CPNE1: variants seen among roughly 807,000 people sequenced by gnomAD.
The protein encoded by CPNE1 is copine-1.
Under a neutral mutation model 63.2 loss-of-function variants are expected in CPNE1, and 58 were observed. The observed-to-expected ratio is 0.92, with a 90% CI of 0.74 to 1.14. The LOEUF is 1.14. CPNE1 is among the 50% of genes most tolerant of loss of function. The pLI is 0.00. For missense variants in CPNE1, 672 were observed against 661.7 expected (o/e 1.02, Z -0.17); for synonymous variants, 237 against 249.0 (o/e 0.95, Z 0.45).
In CPNE1 at chr20:35,632,375, C is replaced by G; in HGVS notation, c.320G>C (p.Ser107Thr). Residue 107 changes from serine (S) to threonine (T), a missense_variant, in exon 4 of 16, where the codon AGC becomes ACC. Coordinates refer to ENST00000397443, the MANE Select transcript of CPNE1 (RefSeq NM_152925.3). ...CATCAAGGGGAGAGTCAGTACCTGG[C>G]TGGACACAATCTGGGGAAAAGCAGG... ...AECSLGQIVS[S>T]QVLTLPLMLK... The G allele has an allele frequency of 6.2e-7, 1 of 1,614,036 alleles. No homozygotes were observed. Among genetic ancestry groups the G allele is most frequent in the East Asian group, 2.2e-5 (1 of 44,878 alleles).
In CPNE1 at chr20:35,632,228, C is replaced by T. The variant is rs370672712; in HGVS notation, c.391G>A (p.Ala131Thr). The T allele has an allele frequency of 3.1e-6, 5 of 1,614,110 alleles. No homozygotes were observed. Among genetic ancestry groups the T allele is most frequent in the Non-Finnish European group, 4.2e-6 (5 of 1,179,988 alleles). Residue 131 changes from alanine (A) to threonine (T), a missense_variant, in exon 5 of 16, where the codon GCT becomes ACT. Coordinates refer to ENST00000397443, the MANE Select transcript of CPNE1 (RefSeq NM_152925.3). ...ACACGATTGTCCTTTAATTCCTGAG[C>T]TGAGACCTAGGTAGGGGAGACTACA... ...PAGRGTITVS[A>T]QELKDNRVVT...
chr20:35,653,143 A>T, intron 1 of CPNE1: 1 of 1,613,648 alleles, frequency 6.2e-7, no homozygotes, highest in South Asian at 1.1e-5. Flanking sequence ...TGATCCACCA[A>T]AATTACCAGG....
Position 35,632,845 on chromosome 20 carries a change from C to A in CPNE1, c.79G>T (p.Asp27Tyr). Residue 27 changes from aspartate to tyrosine, a missense_variant, in exon 2 of 16, where the codon GAC becomes TAC. Asp to Tyr is a radical substitution (Grantham distance 160). Transcript: ENST00000397443. ...TCCTGTAAAAGGACGCAGAGTGGGT[C>A]AGACTTGGAGCCGATGTCCTTGTCA... ...LIDKDIGSKS[D>Y]PLCVLLQDVG... 3.4e-6 allele frequency: 3 copies of A among 872,868 alleles called. No individual in the cohort carries two copies. The highest frequency in any genetic ancestry group is 2.6e-5 in the South Asian group (2 of 76,494). 54.1% of individuals were successfully genotyped at this position (872,868 alleles called of 1,614,324 possible). A position where few individuals can be genotyped will look rare whatever the true frequency, so the allele number is the denominator to read the frequency against.
rs1368843943 is a variant in CPNE1 at position 35,632,346 on chromosome 20, T to C, written c.349A>G (p.Lys117Glu). 2 of 1,614,104 alleles carry C rather than the reference T, an allele frequency of 1.2e-6. No individual in the cohort carries two copies. Reference sequence around the variant, plus strand: ...CCCCGCCCAGCAGGTTTTCCAGGCTTCAGCATCAAGGGGAGAGTCAGTACC... The same window carrying C: ...CCCCGCCCAGCAGGTTTTCCAGGCTCCAGCATCAAGGGGAGAGTCAGTACC... ...SQVLTLPLML[K>E]PGKPAGRGTI... The change falls in exon 4 of 16, where the codon AAG becomes GAG. Residue 117 changes from lysine to glutamate, a missense_variant. Transcript: ENST00000397443.
intron 1 of CPNE1, chr20:35,649,149 T>C (rs77886510): frequency 0.036 from 5,556 of 152,504 alleles, 132 homozygotes; most frequent in Non-Finnish European, 0.061. Flanking sequence ...AATGTGGCAA[T>C]TTTGCAAGGG....
chr20:35,658,351 ACTGC>A (rs1351196096), intron 1 of CPNE1, among the ~76,000 whole-genome samples: 1 of 152,248 alleles, frequency 6.6e-6, no homozygotes, highest in Non-Finnish European at 1.5e-5. Flanking sequence ...AATAAAACTT[ACTGC>A]CTATCAGGAA....
intron 1 of CPNE1, among the ~76,000 whole-genome samples, chr20:35,639,727 GT>G (rs1006514388): frequency 2.0e-5 from 3 of 152,312 alleles, no homozygotes; most frequent in African/African-American, 7.2e-5. Flanking sequence ...ATTTGGGGTG[GT>G]AAGATTACAG....
Position 35,626,105 on chromosome 20 carries a change from G to T in CPNE1, c.*136C>A. 1.1e-6 allele frequency: 1 copy of T among 950,370 alleles called. No homozygotes were observed. The allele number at this position is 950,370 out of a possible 1,614,324, so 58.9% of individuals were successfully genotyped here. On this transcript the variant is annotated 3_prime_UTR_variant, in exon 16 of 16. Transcript: ENST00000397443. ...AGGAGCAAAGGTGGGATCAAGAGCA[G>T]CAAAAGCAGAAACAAGTATAAAAGT...
At position 35,632,841 on chromosome 20, in the gene CPNE1, G is replaced by C. The variant is rs2032258849; in HGVS notation, c.83C>G (p.Pro28Arg). The C allele has an allele frequency of 1.1e-6, 1 of 872,710 alleles. No individual in the cohort carries two copies. Among genetic ancestry groups the C allele is most frequent in the Non-Finnish European group, 2.0e-6 (1 of 501,632 alleles). The allele number at this position is 872,710 out of a possible 1,614,324, so 54.1% of individuals were successfully genotyped here. ...IDKDIGSKSD[P>R]LCVLLQDVGG... ...CACATCCTGTAAAAGGACGCAGAGTGGGTCAGACTTGGAGCCGATGTCCTT... is the reference window on the plus strand; with the variant it reads ...CACATCCTGTAAAAGGACGCAGAGTCGGTCAGACTTGGAGCCGATGTCCTT... Residue 28 changes from proline (P) to arginine (R), a missense_variant, in exon 2 of 16, where the codon CCA becomes CGA. By Grantham distance (103) the Pro-to-Arg change is moderately radical. Transcript: ENST00000397443.
intron 1 of CPNE1, chr20:35,649,115 T>C (rs1459872622): frequency 1.3e-5 from 2 of 152,588 alleles, no homozygotes; most frequent in Admixed American, 6.5e-5. Context: ...TGGACTACTA[T>C]AGAACTGCCA....
intron 1 of CPNE1, among the ~76,000 whole-genome samples, chr20:35,656,055 C>A (rs2033880904): frequency 6.6e-6 from 1 of 152,124 alleles, no homozygotes; most frequent in African/African-American, 2.4e-5. Flanking sequence ...AATAGGACAG[C>A]TAAAATCTGA....
At position 35,626,261 on chromosome 20, in the gene CPNE1, C is replaced by T. The variant is rs764911073; in HGVS notation, c.1594G>A (p.Ala532Thr). The T allele has an allele frequency of 2.5e-6, 4 of 1,614,128 alleles. No individual in the cohort carries two copies. The highest frequency in any genetic ancestry group is 1.1e-5 in the South Asian group (1 of 91,080). The change falls in exon 16 of 16, where the codon GCA (alanine) becomes ACA (threonine). Residue 532 changes from alanine to threonine, a missense_variant. Physicochemically the swap from Ala to Thr is moderately conservative, Grantham distance 58. Coordinates refer to ENST00000397443, the MANE Select transcript of CPNE1 (RefSeq NM_152925.3). ...KPLPPSAKDP[A>T]QAPQA The stretch of plus-strand genomic sequence containing the variant: ...GGAACCTAGGCCTGGGGGGCCTGTG[C>T]AGGATCCTTGGCTGAGGGTGGAAGT...
intron 13 of CPNE1, among the ~76,000 whole-genome samples, chr20:35,630,191 G>A (rs1442619639): frequency 1.3e-5 from 2 of 152,232 alleles, no homozygotes; most frequent in Non-Finnish European, 2.9e-5. Flanking sequence ...CTACTTGGGA[G>A]GCTGAGGCAG....
Position 35,632,339 on chromosome 20 carries a change from C to T in CPNE1, c.356G>A (p.Gly119Glu), listed in dbSNP as rs1294776485. The change falls in exon 4 of 16, where the codon GGA (glycine) becomes GAA (glutamate). Residue 119 changes from glycine to glutamate, a missense_variant. Coordinates refer to ENST00000397443, the MANE Select transcript of CPNE1 (RefSeq NM_152925.3). Reference sequence around the variant, plus strand: ...GATGGTCCCCCGCCCAGCAGGTTTTCCAGGCTTCAGCATCAAGGGGAGAGT... The same window carrying T: ...GATGGTCCCCCGCCCAGCAGGTTTTTCAGGCTTCAGCATCAAGGGGAGAGT... Reference protein sequence around the residue: ...VLTLPLMLKPGKPAGRGTITV... With the variant: ...VLTLPLMLKPEKPAGRGTITV... The T allele has an allele frequency of 6.2e-7, 1 of 1,614,112 alleles. No homozygotes were observed. The highest frequency in any genetic ancestry group is 2.2e-5 in the East Asian group (1 of 44,880).
intron 1 of CPNE1, among the ~76,000 whole-genome samples, chr20:35,656,231 T>A (rs2033889729): frequency 6.6e-6 from 1 of 152,200 alleles, no homozygotes. Context: ...ATAAAAATAT[T>A]TTTTGTTTTT....
chr20:35,660,860 T>C (rs1000539674), intron 1 of CPNE1, among the ~76,000 whole-genome samples: 1 of 152,152 alleles, frequency 6.6e-6, no homozygotes, highest in African/African-American at 2.4e-5. Context: ...CGTATGTCTA[T>C]CTTGAGAAGG....
chr20:35,648,637 C>T (rs920394844), intron 1 of CPNE1, among the ~76,000 whole-genome samples: 1 of 152,292 alleles, frequency 6.6e-6, no homozygotes, highest in Admixed American at 6.5e-5. Context: ...TAAACTCTTT[C>T]AAGATAAAAA....
At chr20:35,642,593 A>T (rs1339114808) in intron 1 of CPNE1, among the ~76,000 whole-genome samples, 1 of 152,220 alleles carries the variant, frequency 6.6e-6, no homozygotes, top group Non-Finnish European at 1.5e-5. Context: ...TTTTGGCCCC[A>T]TCAAAGGACA....
chr20:35,647,062 G>A (rs1202408955), intron 1 of CPNE1, among the ~76,000 whole-genome samples: 1 of 152,012 alleles, frequency 6.6e-6, no homozygotes, highest in Admixed American at 6.6e-5. Flanking sequence ...TGTAATCCCA[G>A]CACTTTGGGA....
Sources: allele counts gnomAD v4.1 joint callset (sites outside exome capture counted in the v4.1 genomes callset), GRCh38; gene constraint gnomAD v4.1.1; transcripts MANE v1.5; gene names NCBI Gene and HGNC (gene_info 2026-07-23, HGNC 2026-07-21).